The following ZC4H2 variants were observed in gnomAD, a reference collection of about 807,000 sequenced individuals.
ZC4H2 encodes the protein zinc finger C4H2 domain-containing protein.
For synonymous variants in ZC4H2, 84 were observed against 66.3 expected (o/e 1.27, Z -1.30); for missense variants, 137 against 173.9 (o/e 0.79, Z 1.19).
intron 1 of ZC4H2, among the ~76,000 whole-genome samples, chrX:64,949,912 C>T (rs1020981144): frequency 2.7e-5 from 3 of 111,380 alleles, no homozygotes; most frequent in African/African-American, 6.5e-5. Context: ...TTTGCTTTTG[C>T]TTCTCTAGTT....
At chrX:64,921,718 C>T in intron 2 of ZC4H2, 99 bp downstream of exon 2, 1 of 960,837 alleles carries the variant, frequency 1.0e-6, no homozygotes, top group East Asian at 3.3e-5. Context: ...ATGCCTGCTC[C>T]CCGAGCTAGG....
chrX:64,920,115 C>T lies in ZC4H2; in HGVS notation c.364G>A (p.Asp122Asn). ...AGCTTCTCCTCTTCTTCACACAAGT[C>T]AGGGAGCCTCTGCAGGCCCAGAGTC... ...RMTLGLQRLP[D>N]LCEEEEKLSL... The change falls in exon 3 of 5, where the codon GAC becomes AAC. Residue 122 changes from aspartate to asparagine, a missense_variant. Coordinates refer to ENST00000374839, the MANE Select transcript of ZC4H2 (RefSeq NM_018684.4). 1 of 1,211,237 alleles carries T rather than the reference C, an allele frequency of 8.3e-7. No individual in the cohort carries two copies. The highest frequency in any genetic ancestry group is 1.1e-6 in the Non-Finnish European group (1 of 895,351).
chrX:64,926,543 CTATTT>C (rs1379476907), intron 1 of ZC4H2, among the ~76,000 whole-genome samples: 5 of 112,109 alleles, frequency 4.5e-5, no homozygotes, highest in African/African-American at 1.3e-4. Flanking sequence ...ACCTGGCCAA[CTATTT>C]TATTTTAACT....
intron 1 of ZC4H2, among the ~76,000 whole-genome samples, chrX:65,019,138 G>A (rs1932817141): frequency 8.9e-6 from 1 of 111,930 alleles, no homozygotes; most frequent in Non-Finnish European, 1.9e-5. Context: ...CTGCCTGACA[G>A]CTCTGAAGAG....
chrX:64,974,855 T>C (rs1156927841), intron 1 of ZC4H2, among the ~76,000 whole-genome samples: 1 of 106,939 alleles, frequency 9.4e-6, no homozygotes, highest in Non-Finnish European at 1.9e-5. Context: ...TTGGTGAGAG[T>C]GGAAGTCTAG....
intron 1 of ZC4H2, among the ~76,000 whole-genome samples, chrX:64,957,224 C>A (rs1931192897): frequency 8.9e-6 from 1 of 112,104 alleles, no homozygotes; most frequent in South Asian, 3.7e-4. Flanking sequence ...TGTAACCAAT[C>A]CAGTTGTTTC....
intron 1 of ZC4H2, among the ~76,000 whole-genome samples, chrX:65,015,636 A>G (rs1024391855): frequency 1.8e-5 from 2 of 111,380 alleles, no homozygotes; most frequent in African/African-American, 6.5e-5. Flanking sequence ...GGGCTTATAC[A>G]CTCTTTTCTC....
rs755981530 is a variant in ZC4H2 at position 64,945,765 on chromosome X, G to A, written c.54-23777C>T. 2.2e-3 allele frequency among the ~76,000 whole-genome samples: 242 copies of A among 111,086 alleles called. 1 individual carries two copies. The highest frequency in any genetic ancestry group is 2.7e-3 in the Non-Finnish European group (144 of 52,949). ...AACTGGGACTGCTGCCTTTTTTCCC[G>A]AGACGCCCTGCCCAGGGAGGAGGAA... On this transcript the variant is annotated intron_variant, in intron 1 of 4. Coordinates refer to ENST00000374839, the MANE Select transcript of ZC4H2 (RefSeq NM_018684.4).
At chrX:65,018,785 C>T (rs1182106769) in intron 1 of ZC4H2, among the ~76,000 whole-genome samples, 2 of 111,573 alleles carry the variant, frequency 1.8e-5, no homozygotes, top group Non-Finnish European at 3.8e-5. Context: ...GATCCACTGG[C>T]TTGAAATTCT....
intron 3 of ZC4H2, 120 bp from the exon 4 acceptor site, chrX:64,919,324 C>T: frequency 3.8e-6 from 3 of 784,106 alleles, no homozygotes; most frequent in Non-Finnish European, 3.7e-6. Flanking sequence ...AAGGTCCCCA[C>T]ACCTTCCCAA....
At chrX:65,020,526 C>T (rs1932829168) in intron 1 of ZC4H2, among the ~76,000 whole-genome samples, 1 of 111,766 alleles carries the variant, frequency 8.9e-6, no homozygotes, top group African/African-American at 3.3e-5. Flanking sequence ...AACAAGGGCT[C>T]CTGAAGAAAG....
chrX:64,961,345 A>G (rs1602421842), intron 1 of ZC4H2, among the ~76,000 whole-genome samples: 2 of 111,588 alleles, frequency 1.8e-5, no homozygotes, highest in Non-Finnish European at 3.8e-5. Context: ...CTGGAAGTTC[A>G]CTAATCTTTT....
At position 64,925,449 on chromosome X, in the gene ZC4H2, T is replaced by A. The variant is rs753539119; in HGVS notation, c.54-3461A>T. Reference sequence around the variant, plus strand: ...TATTAGCTAAAGCCACATAAAAATGTCAACATAAATAACAGCATTTTATGA... The same window carrying A: ...TATTAGCTAAAGCCACATAAAAATGACAACATAAATAACAGCATTTTATGA... On this transcript the variant is annotated intron_variant, in intron 1 of 4. Transcript: ENST00000374839. Among the ~76,000 whole-genome samples, 12 of 112,201 alleles carry A rather than the reference T, an allele frequency of 1.1e-4. No individual in the cohort carries two copies. The South Asian group carries it at 2.2e-3, about 21-fold the overall frequency.
rs757383405 is a variant in ZC4H2 at position 64,926,617 on chromosome X, C to T, written c.54-4629G>A. On this transcript the variant is annotated intron_variant, in intron 1 of 4. Coordinates refer to ENST00000374839, the MANE Select transcript of ZC4H2 (RefSeq NM_018684.4). ...ATCTTAATTTGCATTTCCCTAATGC[C>T]CATTGATGTTGAACACCTTTCCACA... 2.7e-5 allele frequency among the ~76,000 whole-genome samples: 3 copies of T among 111,624 alleles called. No homozygotes were observed. The East Asian group carries it at 8.4e-4, about 31-fold the overall frequency.
intron 1 of ZC4H2, among the ~76,000 whole-genome samples, chrX:64,951,482 T>A (rs774659424): frequency 1.8e-5 from 2 of 112,148 alleles, no homozygotes; most frequent in African/African-American, 6.5e-5. Flanking sequence ...GACTTTTTAA[T>A]GATTGCCATT....
intron 1 of ZC4H2, among the ~76,000 whole-genome samples, chrX:64,949,097 T>C (rs934072570): frequency 8.9e-6 from 1 of 111,966 alleles, no homozygotes; most frequent in African/African-American, 3.2e-5. Context: ...CACCTTATGG[T>C]CCAAATGATT....
intron 1 of ZC4H2, among the ~76,000 whole-genome samples, chrX:64,940,257 G>GT (rs780838673): frequency 1.8e-5 from 2 of 111,438 alleles, no homozygotes; most frequent in Admixed American, 9.5e-5. Flanking sequence ...AATGGGGTTG[G>GT]TTTTTTCTAG....
At chrX:64,931,875 C>T (rs1343748392) in intron 1 of ZC4H2, among the ~76,000 whole-genome samples, 1 of 111,419 alleles carries the variant, frequency 9.0e-6, no homozygotes, top group East Asian at 2.8e-4. Context: ...TCTGTTTGTT[C>T]TAGGGTATAG....
chrX:64,928,768 T>C (rs189981942), intron 1 of ZC4H2, among the ~76,000 whole-genome samples: 14 of 101,769 alleles, frequency 1.4e-4, no homozygotes, highest in Admixed American at 4.4e-4. Flanking sequence ...TTCTTCTTCT[T>C]TTCTTCTTCT....
Sources: gnomAD v4.1 joint callset for allele counts (sites outside exome capture counted in the v4.1 genomes callset) on GRCh38, gnomAD v4.1.1 for gene constraint, MANE v1.5 for transcripts, NCBI Gene and HGNC (gene_info 2026-07-23, HGNC 2026-07-21) for gene names.